The following SUPT3H variants were observed in gnomAD, a reference collection of about 807,000 sequenced individuals.
The protein encoded by SUPT3H is transcription initiation protein SPT3 homolog.
In SUPT3H, 44 loss-of-function variants were observed where a neutral mutation model predicts 44.3. The ratio of observed to expected loss-of-function variants is 0.99; its 90% CI spans 0.78 to 1.28. The LOEUF (loss-of-function observed/expected upper bound fraction) is 1.28. SUPT3H is among the 50% of genes most tolerant of loss of function. The pLI is 0.00. For synonymous variants in SUPT3H, 124 were observed against 125.6 expected (o/e 0.99, Z 0.09); for missense variants, 380 against 387.1 (o/e 0.98, Z 0.15).
intron 2 of SUPT3H, among the ~76,000 whole-genome samples, chr6:45,232,499 G>A (rs921041439): frequency 2.0e-5 from 3 of 152,152 alleles, no homozygotes; most frequent in African/African-American, 7.2e-5. Context: ...TTGGTATGAG[G>A]GTATTACTGG....
intron 2 of SUPT3H, among the ~76,000 whole-genome samples, chr6:45,144,949 G>A (rs1292222405): frequency 6.6e-6 from 1 of 151,978 alleles, no homozygotes; most frequent in African/African-American, 2.4e-5. Flanking sequence ...AAATACTTAG[G>A]AATATACCTA....
At chr6:45,282,854 T>C (rs1778422623) in intron 2 of SUPT3H, among the ~76,000 whole-genome samples, 1 of 152,128 alleles carries the variant, frequency 6.6e-6, no homozygotes, top group African/African-American at 2.4e-5. Context: ...AGTTACCCAC[T>C]AACGGAAGCC....
chr6:45,180,140 C>T (rs1812859491), intron 2 of SUPT3H, among the ~76,000 whole-genome samples: 1 of 130,848 alleles, frequency 7.6e-6, no homozygotes, highest in Non-Finnish European at 1.6e-5. Context: ...GAATAAAATA[C>T]CTAGGAATCC....
chr6:45,329,092 T>C (rs1002335180), intron 2 of SUPT3H, among the ~76,000 whole-genome samples: 1 of 151,988 alleles, frequency 6.6e-6, no homozygotes, highest in Non-Finnish European at 1.5e-5. Flanking sequence ...AATACTCTCA[T>C]TAACCCTCAC....
chr6:45,150,110 T>C (rs910227096), intron 2 of SUPT3H, among the ~76,000 whole-genome samples: 8 of 152,184 alleles, frequency 5.3e-5, no homozygotes, highest in African/African-American at 1.9e-4. Context: ...TATTCTAAAA[T>C]AATCATGATT....
chr6:45,191,256 C>T (rs1428421055), intron 2 of SUPT3H, among the ~76,000 whole-genome samples: 4 of 151,898 alleles, frequency 2.6e-5, no homozygotes, highest in African/African-American at 9.7e-5. Flanking sequence ...GCTACCAAGC[C>T]ATGAAAAGAC....
At chr6:45,005,941 G>A (rs1468508586) in intron 5 of SUPT3H, among the ~76,000 whole-genome samples, 3 of 151,980 alleles carry the variant, frequency 2.0e-5, no homozygotes, top group African/African-American at 2.4e-5. Flanking sequence ...AATACAGGTC[G>A]AAGCATATCT....
intron 10 of SUPT3H, among the ~76,000 whole-genome samples, chr6:44,863,158 C>T (rs1272293694): frequency 6.6e-6 from 1 of 152,180 alleles, no homozygotes; most frequent in Non-Finnish European, 1.5e-5. Context: ...GTATGTATAT[C>T]TACTCTATCT....
At chr6:45,201,682 CAG>C (rs1396993585) in intron 2 of SUPT3H, among the ~76,000 whole-genome samples, 1 of 151,798 alleles carries the variant, frequency 6.6e-6, no homozygotes, top group East Asian at 1.9e-4. Flanking sequence ...CAGAATAGGA[CAG>C]AGAGAACTTC....
Position 45,248,583 on chromosome 6 carries a change from A to C in SUPT3H, c.101+116618T>G, listed in dbSNP as rs191991403. Among the ~76,000 whole-genome samples, 9 of 152,264 alleles carry C rather than the reference A, an allele frequency of 5.9e-5. No homozygotes were observed. In the East Asian group the frequency reaches 1.2e-3, roughly 20 times the overall value. On this transcript the variant is annotated intron_variant, in intron 2 of 10. Transcript: ENST00000371459. Reference sequence around the variant, plus strand: ...TGGCTAAATCAAAAAAAGAGAAAAAACTGGCAATGCGAAGTGCCAAAGAGG... The same window carrying C: ...TGGCTAAATCAAAAAAAGAGAAAAACCTGGCAATGCGAAGTGCCAAAGAGG...
chr6:44,857,864 A>G lies in SUPT3H; in HGVS notation c.913-28007T>C, dbSNP rs541769819. 9.3e-4 allele frequency among the ~76,000 whole-genome samples: 141 copies of G among 152,182 alleles called. 1 individual carries two copies. Among genetic ancestry groups the G allele is most frequent in the Non-Finnish European group, 1.7e-3 (116 of 68,024 alleles). On this transcript the variant is annotated intron_variant, in intron 10 of 10. Coordinates refer to ENST00000371459, the MANE Select transcript of SUPT3H (RefSeq NM_003599.4). ...GTCAACAGATGAAACCTGTTGATAT[A>G]TGGGGTAATAAGTGCAAAACAGGAG... is the stretch of plus-strand genomic sequence containing the variant.
chr6:45,324,238 GA>G (rs5875918), intron 2 of SUPT3H, among the ~76,000 whole-genome samples: 122,530 of 151,712 alleles, frequency 0.81, 49,682 homozygotes, highest in African/African-American at 0.86. Flanking sequence ...AATAATCAAA[GA>G]AAAAAAAGTA....
chr6:44,908,520 G>A lies in SUPT3H; in HGVS notation c.912+24133C>T, dbSNP rs116246476. On this transcript the variant is annotated intron_variant, in intron 10 of 10. Coordinates refer to ENST00000371459, the MANE Select transcript of SUPT3H (RefSeq NM_003599.4). ...ATTCTAAACAGAAAAGACATACTAC[G>A]CATGAATTCATGGAACTTGCCTGGC... 6.6e-3 allele frequency among the ~76,000 whole-genome samples: 997 copies of A among 152,100 alleles called. 13 individuals carry two copies. The highest frequency in any genetic ancestry group is 0.023 in the African/African-American group (939 of 41,482).
chr6:44,832,258 G>A lies in SUPT3H; in HGVS notation c.913-2401C>T, dbSNP rs554716263. Among the ~76,000 whole-genome samples the A allele has an allele frequency of 2.0e-5, 3 of 152,240 alleles. No homozygotes were observed. The South Asian group carries it at 6.2e-4, about 32-fold the overall frequency. On this transcript the variant is annotated intron_variant, in intron 10 of 10. Coordinates refer to ENST00000371459, the MANE Select transcript of SUPT3H (RefSeq NM_003599.4). ...ATTTCTCTCTATTTGTGTTGCAAAT[G>A]TTGAAACTAAATTTAAACATTGCTT... is the stretch of plus-strand genomic sequence containing the variant.
intron 3 of SUPT3H, among the ~76,000 whole-genome samples, chr6:45,036,514 G>A (rs1360203392): frequency 1.3e-5 from 2 of 151,700 alleles, no homozygotes; most frequent in African/African-American, 4.8e-5. Context: ...CTAAAAACAG[G>A]GATAAGAAAA....
intron 2 of SUPT3H, among the ~76,000 whole-genome samples, chr6:45,225,949 A>T (rs1018457283): frequency 1.3e-5 from 2 of 152,198 alleles, no homozygotes; most frequent in African/African-American, 4.8e-5. Flanking sequence ...TGTTTAGTAC[A>T]ATGACAAAGA....
intron 2 of SUPT3H, among the ~76,000 whole-genome samples, chr6:45,173,754 T>C (rs150752546): frequency 1.1e-3 from 162 of 152,336 alleles, no homozygotes; most frequent in African/African-American, 3.7e-3. Context: ...GCCTAAGAGA[T>C]AGATGCTGCA....
At chr6:45,082,631 C>G (rs897892360) in intron 3 of SUPT3H, among the ~76,000 whole-genome samples, 2 of 151,938 alleles carry the variant, frequency 1.3e-5, no homozygotes, top group African/African-American at 2.4e-5. Flanking sequence ...AACTAGGCAT[C>G]AAAGGACATA....
chr6:45,056,220 T>C (rs963033946), intron 3 of SUPT3H, among the ~76,000 whole-genome samples: 12 of 152,188 alleles, frequency 7.9e-5, no homozygotes, highest in African/African-American at 2.9e-4. Flanking sequence ...GGAACACTTT[T>C]ACACTGCTGG....
Sources: allele counts gnomAD v4.1 joint callset (sites outside exome capture counted in the v4.1 genomes callset), GRCh38; gene constraint gnomAD v4.1.1; transcripts MANE v1.5; gene names NCBI Gene and HGNC (gene_info 2026-07-23, HGNC 2026-07-21).